The following ULBP1 variants were observed in gnomAD, a reference collection of about 807,000 sequenced individuals.
The protein encoded by ULBP1 is UL16 binding protein 1.
Under a neutral mutation model 25.3 loss-of-function variants are expected in ULBP1, and 28 were observed. The ratio of observed to expected loss-of-function variants is 1.10; its 90% confidence interval spans 0.82 to 1.51. The LOEUF (loss-of-function observed/expected upper bound fraction) is 1.51, where lower values mean the gene tolerates loss of function less well. ULBP1 is among the 40% of genes most tolerant of loss of function. ULBP1 has a pLI of 0.00. For missense variants in ULBP1, 348 were observed against 290.9 expected, an observed-to-expected ratio of 1.20 and a Z score of -1.43; for synonymous variants, 129 against 103.0, an observed-to-expected ratio of 1.25 and a Z score of -1.53.
Position 149,964,071 on chromosome 6 carries a change from G to T in ULBP1, c.22G>T (p.Ala8Ser), listed in dbSNP as rs1484460527. 1.2e-6 allele frequency: 2 copies of T among 1,614,050 alleles called. No homozygotes were observed. Among genetic ancestry groups the T allele is most frequent in the East Asian group, 2.2e-5 (1 of 44,892 alleles). Residue 8 changes from alanine (A) to serine (S), a missense_variant, in exon 1 of 5, where the codon GCG becomes TCG. Coordinates refer to ENST00000229708, the MANE Select transcript of ULBP1 (RefSeq NM_025218.4). The stretch of plus-strand genomic sequence containing the variant: ...TACAATGGCAGCGGCCGCCAGCCCC[G>T]CGTTCCTTCTGTGCCTCCCGCTTCT... MAAAASPAFLLCLPLLHL... is the reference protein window; with the variant it reads MAAAASPSFLLCLPLLHL...
intron 1 of ULBP1, among the ~76,000 whole-genome samples, chr6:149,966,336 G>A (rs1779204317): frequency 2.0e-5 from 3 of 151,966 alleles, no homozygotes; most frequent in African/African-American, 7.3e-5. Flanking sequence ...CCATCCCCTA[G>A]GGTGTCATCT....
In ULBP1 at chr6:149,973,539, G is replaced by A. The variant is rs1258568350; in HGVS notation, c.*2193G>A. On this transcript the variant is annotated 3_prime_UTR_variant, in exon 5 of 5. Coordinates refer to ENST00000229708, the MANE Select transcript of ULBP1 (RefSeq NM_025218.4). ...ACAAATGGGTTTAACTGACCAGAGC[G>A]AGAGAACTCTGCACTATGAACCCAA... 2.6e-5 allele frequency: 4 copies of A among 152,112 alleles called. No individual in the cohort carries two copies. The highest frequency in any genetic ancestry group is 1.3e-4 in the Admixed American group (2 of 15,280). 9.4% of individuals were successfully genotyped at this position (152,112 alleles called of 1,614,324 possible).
chr6:149,969,519 T>A (rs1227060100), intron 3 of ULBP1, among the ~76,000 whole-genome samples, 159 bp downstream of exon 3: 1 of 151,962 alleles, frequency 6.6e-6, no homozygotes, highest in Admixed American at 6.6e-5. Context: ...TGCTCTCTCA[T>A]CCTCCTCTCC....
In ULBP1 at chr6:149,968,821, C is replaced by T. The variant is rs267600855; in HGVS notation, c.300C>T (p.Phe100=). ...AAACACTAAGAGACGTGGTGGATTTCCTTAAAGGGCAACTGCTTGACATTC... is the reference window on the plus strand; with the variant it reads ...AAACACTAAGAGACGTGGTGGATTTTCTTAAAGGGCAACTGCTTGACATTC... ...QTETLRDVVD[F]LKGQLLDIQV... is the part of the protein sequence containing the mutation. The change falls in exon 2 of 5, where the codon TTC becomes TTT. Residue 100 remains phenylalanine (F), a synonymous_variant. Transcript: ENST00000229708. 6.2e-7 allele frequency: 1 copy of T among 1,614,236 alleles called. No homozygotes were observed. Among genetic ancestry groups the T allele is most frequent in the East Asian group, 2.2e-5 (1 of 44,884 alleles).
intron 1 of ULBP1, among the ~76,000 whole-genome samples, chr6:149,967,408 C>A (rs1328662979): frequency 6.6e-6 from 1 of 152,154 alleles, no homozygotes; most frequent in Non-Finnish European, 1.5e-5. Flanking sequence ...TTGAAGGAGC[C>A]CACCAGGGCC....
At position 149,970,122 on chromosome 6, in the gene ULBP1, A is replaced by T. The variant is rs1396860786; in HGVS notation, c.732A>T (p.Arg244Ser). The change falls in exon 4 of 5, where the codon AGA becomes AGT. Residue 244 changes from arginine to serine, a missense_variant. By Grantham distance (110) the Arg-to-Ser change is moderately radical. Coordinates refer to ENST00000229708, the MANE Select transcript of ULBP1 (RefSeq NM_025218.4). ...TCCTCTGCTTCATTCTAGCTGGCAG[A>T]TGAGGAGAGTTGTTTAGAGTGACAG... ...IIFLCFILAG[R>S] The T allele has an allele frequency of 3.7e-6, 6 of 1,605,328 alleles. No individual in the cohort carries two copies. Among genetic ancestry groups the T allele is most frequent in the Non-Finnish European group, 5.1e-6 (6 of 1,175,856 alleles).
chr6:149,969,546 C>T (rs1333773733), intron 3 of ULBP1, among the ~76,000 whole-genome samples, 186 bp downstream of exon 3: 2 of 151,886 alleles, frequency 1.3e-5, no homozygotes. Flanking sequence ...CCCCCTGACT[C>T]CTCTTCCTCA....
chr6:149,964,863 C>T (rs1181541338), intron 1 of ULBP1, among the ~76,000 whole-genome samples: 1 of 141,322 alleles, frequency 7.1e-6, no homozygotes, highest in Non-Finnish European at 1.5e-5. Context: ...CCCCGAACAT[C>T]GCGGTCCCCC....
intron 3 of ULBP1, among the ~76,000 whole-genome samples, 167 bp from the exon 4 acceptor site, chr6:149,969,849 C>A (rs1031213674): frequency 4.6e-5 from 7 of 152,076 alleles, no homozygotes; most frequent in Non-Finnish European, 8.8e-5. Context: ...GGGCAGGGGA[C>A]ACCCCCTCTC....
chr6:149,968,564 AT>A, intron 1 of ULBP1, 42 bp from the exon 2 acceptor site: 1 of 1,574,900 alleles, frequency 6.3e-7, no homozygotes, highest in South Asian at 1.2e-5. Context: ...TACAGGTTCC[AT>A]TTCCCCCCAC....
Position 149,969,302 on chromosome 6 carries a change from T to C in ULBP1, c.567T>C (p.Asp189=). Residue 189 remains aspartate, a synonymous_variant, in exon 3 of 5, where the codon GAT becomes GAC. Transcript: ENST00000229708. ...TMFFQKISLG[D]CKMWLEEFLM... Reference sequence around the variant, plus strand: ...TCTTCCAGAAGATTTCACTGGGGGATTGTAAGATGTGGCTTGAAGAATTTT... The same window carrying C: ...TCTTCCAGAAGATTTCACTGGGGGACTGTAAGATGTGGCTTGAAGAATTTT... 6.2e-7 allele frequency: 1 copy of C among 1,614,206 alleles called. No homozygotes were observed. The highest frequency in any genetic ancestry group is 1.3e-5 in the African/African-American group (1 of 75,054).
chr6:149,966,473 C>T (rs1251566710), intron 1 of ULBP1, among the ~76,000 whole-genome samples: 1 of 152,160 alleles, frequency 6.6e-6, no homozygotes, highest in African/African-American at 2.4e-5. Flanking sequence ...TCCTTTGCTG[C>T]TGGGTGGCAT....
chr6:149,970,182 C>A, intron 4 of ULBP1, 35 bp downstream of exon 4: 1 of 1,547,522 alleles, frequency 6.5e-7, no homozygotes. Flanking sequence ...GAGCAAGAGG[C>A]AGATGGGTGA....
intron 1 of ULBP1, among the ~76,000 whole-genome samples, chr6:149,966,631 C>G (rs1237818122): frequency 6.6e-6 from 1 of 152,104 alleles, no homozygotes; most frequent in African/African-American, 2.4e-5. Flanking sequence ...CCTGCCCATC[C>G]CAGGAGACCC....
chr6:149,968,578 C>T (rs1347289937), intron 1 of ULBP1, 29 bp from the exon 2 acceptor site: 25 of 1,587,594 alleles, frequency 1.6e-5, no homozygotes, highest in Non-Finnish European at 2.0e-5. Flanking sequence ...CCCCCCACAC[C>T]AACCCCCTCC....
chr6:149,968,651 A>C lies in ULBP1; in HGVS notation c.130A>C (p.Arg44=). 6.2e-7 allele frequency: 1 copy of C among 1,613,846 alleles called. No homozygotes were observed. The highest frequency in any genetic ancestry group is 8.5e-7 in the Non-Finnish European group (1 of 1,179,772). ...CYDFIITPKS[R]PEPQWCEVQG... ...TGACTTCATCATCACTCCTAAGTCC[A>C]GACCTGAACCACAGTGGTGTGAAGT... Residue 44 remains arginine, a synonymous_variant, in exon 2 of 5, where the codon AGA becomes CGA. Coordinates refer to ENST00000229708, the MANE Select transcript of ULBP1 (RefSeq NM_025218.4).
At position 149,970,056 on chromosome 6, in the gene ULBP1, C is replaced by G. The variant is rs1249647583; in HGVS notation, c.666C>G (p.Ala222=). 1.1e-5 allele frequency: 17 copies of G among 1,613,544 alleles called. No homozygotes were observed. The highest frequency in any genetic ancestry group is 1.4e-5 in the Non-Finnish European group (17 of 1,179,872). Residue 222 remains alanine, a synonymous_variant, in exon 4 of 5, where the codon GCC becomes GCG. Coordinates refer to ENST00000229708, the MANE Select transcript of ULBP1 (RefSeq NM_025218.4). Reference sequence around the variant, plus strand: ...CCCCAGGCACAACCCAACCCAAGGCCATGGCCACCACCCTCAGTCCCTGGA... The same window carrying G: ...CCCCAGGCACAACCCAACCCAAGGCGATGGCCACCACCCTCAGTCCCTGGA... ...SLAPGTTQPK[A]MATTLSPWSL...
At chr6:149,970,601 G>A (rs1582828170) in intron 4 of ULBP1, among the ~76,000 whole-genome samples, 1 of 152,258 alleles carries the variant, frequency 6.6e-6, no homozygotes, top group East Asian at 1.9e-4. Context: ...GGACGAGGGA[G>A]CTGTGAGGGT....
At chr6:149,964,211 G>C (rs1779154085) in intron 1 of ULBP1, 77 bp downstream of exon 1, 2 of 1,540,778 alleles carry the variant, frequency 1.3e-6, no homozygotes, top group Admixed American at 1.8e-5. Context: ...TTTCAGAGGA[G>C]GGGAGGCTTC....
Sources: allele counts gnomAD v4.1 joint callset (sites outside exome capture counted in the v4.1 genomes callset), GRCh38; gene constraint gnomAD v4.1.1; transcripts MANE v1.5; gene names NCBI Gene and HGNC (gene_info 2026-07-23, HGNC 2026-07-21).